Variants in PPARGC1A observed in about 807,000 individuals in gnomAD.
The protein encoded by PPARGC1A is PPARG coactivator 1 alpha, also known as peroxisome proliferator-activated receptor gamma coactivator 1-alpha.
PPARGC1A carries 25 observed loss-of-function variants against 88.7 expected under a neutral mutation model. The observed-to-expected ratio is 0.28, with a 90% CI of 0.21 to 0.39. The LOEUF (loss-of-function observed/expected upper bound fraction) is 0.39, where lower values mean the gene tolerates loss of function less well. Ranked by LOEUF, PPARGC1A falls within the 10% of genes least tolerant of loss-of-function variation. The pLI, the probability that PPARGC1A is intolerant of heterozygous loss-of-function variation, is 1.00. For missense variants in PPARGC1A, 880 were observed against 968.7 expected, an observed-to-expected ratio of 0.91 and a Z score of 1.22; for synonymous variants, 363 against 355.6, an observed-to-expected ratio of 1.02 and a Z score of -0.24.
At chr4:24,105,318 A>T in the PPARGC1A span, among the ~76,000 whole-genome samples, 1 of 152,168 alleles carries the variant, frequency 6.6e-6, no homozygotes, top group Non-Finnish European at 1.5e-5. Context: ...CAAACCTTCT[A>T]ATGGGACTTT....
chr4:24,289,353 C>T, the PPARGC1A span, among the ~76,000 whole-genome samples: 56 of 152,172 alleles, frequency 3.7e-4, no homozygotes, highest in African/African-American at 1.3e-3. Flanking sequence ...TCTGACCCTT[C>T]GCTGCACTCT....
the PPARGC1A span, among the ~76,000 whole-genome samples, chr4:24,381,608 CAA>C: frequency 2.0e-5 from 3 of 152,144 alleles, no homozygotes; most frequent in Non-Finnish European, 4.4e-5. Context: ...TTTGCTAGCA[CAA>C]AAAAATCCTA....
the PPARGC1A span, among the ~76,000 whole-genome samples, chr4:24,409,499 G>C: frequency 6.6e-6 from 1 of 152,186 alleles, no homozygotes; most frequent in South Asian, 2.1e-4. Context: ...ACACCGGAAA[G>C]TGCTACAAAA....
the PPARGC1A span, among the ~76,000 whole-genome samples, chr4:24,165,684 G>C: frequency 1.2e-4 from 19 of 152,248 alleles, no homozygotes; most frequent in African/African-American, 4.1e-4. Flanking sequence ...TCTGTGATCA[G>C]TGAACTTTAA....
the PPARGC1A span, among the ~76,000 whole-genome samples, chr4:24,451,784 G>A: frequency 6.6e-6 from 1 of 152,086 alleles, no homozygotes; most frequent in African/African-American, 2.4e-5. Flanking sequence ...CACCACGTTG[G>A]CCAGGATGAT....
At chr4:24,422,952 CAT>C in the PPARGC1A span, among the ~76,000 whole-genome samples, 3 of 152,226 alleles carry the variant, frequency 2.0e-5, no homozygotes, top group Admixed American at 6.5e-5. Flanking sequence ...GGTGGGAAGA[CAT>C]AGACACCTTG....
the PPARGC1A span, among the ~76,000 whole-genome samples, chr4:24,300,940 G>A: frequency 6.6e-6 from 1 of 152,008 alleles, no homozygotes; most frequent in African/African-American, 2.4e-5. Flanking sequence ...GAAGATAAAA[G>A]CTCAGATACT....
At chr4:24,415,419 A>T in the PPARGC1A span, among the ~76,000 whole-genome samples, 4 of 152,222 alleles carry the variant, frequency 2.6e-5, no homozygotes, top group Non-Finnish European at 5.9e-5. Flanking sequence ...TTATGTTACA[A>T]ATGAGAGAAG....
chr4:24,121,465 G>A, the PPARGC1A span, among the ~76,000 whole-genome samples: 6 of 152,064 alleles, frequency 3.9e-5, no homozygotes, highest in Admixed American at 6.5e-5. Context: ...TAGCGACCAC[G>A]TGAATATCAC....
the PPARGC1A span, among the ~76,000 whole-genome samples, chr4:24,388,103 T>A: frequency 6.7e-6 from 1 of 149,152 alleles, no homozygotes. Context: ...GACAAAGGGA[T>A]AATATCCAGA....
At chr4:24,159,208 T>C in the PPARGC1A span, among the ~76,000 whole-genome samples, 1 of 135,254 alleles carries the variant, frequency 7.4e-6, no homozygotes, top group South Asian at 2.5e-4. Context: ...AAATTAACCT[T>C]TTTTTTTTTT....
At chr4:23,803,282 G>A (rs1719133945) in intron 10 of PPARGC1A, among the ~76,000 whole-genome samples, 1 of 152,032 alleles carries the variant, frequency 6.6e-6, no homozygotes, top group South Asian at 2.1e-4. Context: ...TTTTGATGCA[G>A]GTGGTCCAAA....
At chr4:24,007,025 G>C in the PPARGC1A span, among the ~76,000 whole-genome samples, 1 of 152,066 alleles carries the variant, frequency 6.6e-6, no homozygotes, top group Admixed American at 6.6e-5. Context: ...CTAAAATTGG[G>C]AGGCATCTTA....
chr4:24,194,380 C>A, the PPARGC1A span, among the ~76,000 whole-genome samples: 1 of 152,100 alleles, frequency 6.6e-6, no homozygotes, highest in Admixed American at 6.5e-5. Context: ...ACTTTAGCAT[C>A]CTTTTTCTAT....
chr4:23,990,394 ATCACAGT>A, the PPARGC1A span, among the ~76,000 whole-genome samples: 2 of 152,028 alleles, frequency 1.3e-5, no homozygotes, highest in Non-Finnish European at 2.9e-5. Flanking sequence ...GCACCACCTT[ATCACAGT>A]AGAAGTGCAC....
chr4:24,219,765 A>G, the PPARGC1A span, among the ~76,000 whole-genome samples: 5 of 152,274 alleles, frequency 3.3e-5, no homozygotes, highest in Middle Eastern at 3.4e-3. Flanking sequence ...ACCGGAGGCC[A>G]TACAGACATA....
the PPARGC1A span, among the ~76,000 whole-genome samples, chr4:24,025,131 A>G: frequency 6.6e-6 from 1 of 152,202 alleles, no homozygotes; most frequent in African/African-American, 2.4e-5. Flanking sequence ...AATGATCCCT[A>G]GTCCTTTAAA....
At chr4:23,828,718 T>C (rs1724459313) in intron 4 of PPARGC1A, 114 bp from the exon 5 acceptor site, 1 of 866,922 alleles carries the variant, frequency 1.2e-6, no homozygotes, top group Non-Finnish European at 1.8e-6. Flanking sequence ...CTAAGTGTAC[T>C]AGATCTATGA....
At chr4:24,065,783 G>C in the PPARGC1A span, among the ~76,000 whole-genome samples, 2 of 152,124 alleles carry the variant, frequency 1.3e-5, no homozygotes, top group East Asian at 3.9e-4. Flanking sequence ...GCTTGGGGAG[G>C]TTATGAAGCT....
Sources: gnomAD v4.1 joint callset for allele counts (sites outside exome capture counted in the v4.1 genomes callset) on GRCh38, gnomAD v4.1.1 for gene constraint, MANE v1.5 for transcripts, NCBI Gene and HGNC (gene_info 2026-07-23, HGNC 2026-07-21) for gene names.